The following PHKB variants were observed in gnomAD, a reference collection of about 807,000 sequenced individuals.
PHKB encodes phosphorylase b kinase regulatory subunit beta.
PHKB carries 122 observed loss-of-function variants against 152.1 expected under a neutral mutation model. That is an observed-to-expected ratio of 0.80 (90% CI 0.69 to 0.93). The LOEUF (loss-of-function observed/expected upper bound fraction) is 0.93, where lower values mean the gene tolerates loss of function less well. Ranked by LOEUF, PHKB falls within the 40% of genes least tolerant of loss-of-function variation. PHKB has a pLI of 0.00. For synonymous variants in PHKB, 436 were observed against 464.9 expected (o/e 0.94, Z 0.80); for missense variants, 1,304 against 1,328.4 (o/e 0.98, Z 0.29).
chr16:47,635,010 G>GT (rs1972893287), intron 14 of PHKB, among the ~76,000 whole-genome samples: 1 of 152,154 alleles, frequency 6.6e-6, no homozygotes, highest in East Asian at 1.9e-4. Flanking sequence ...GTGGGATGGG[G>GT]TTTAAGACTG....
intron 1 of PHKB, among the ~76,000 whole-genome samples, chr16:47,466,018 G>GTATTTT: frequency 6.6e-6 from 1 of 152,246 alleles, no homozygotes; most frequent in Admixed American, 6.5e-5. Flanking sequence ...ATTGTTTTAT[G>GTATTTT]TATTTTAACC....
At chr16:47,545,037 C>T (rs962234646) in intron 6 of PHKB, among the ~76,000 whole-genome samples, 1 of 152,182 alleles carries the variant, frequency 6.6e-6, no homozygotes, top group Non-Finnish European at 1.5e-5. Flanking sequence ...TGAGTCTTGA[C>T]TCTTTATCCA....
In PHKB at chr16:47,489,176, C is replaced by T. The variant is rs561625328; in HGVS notation, c.77-8223C>T. Among the ~76,000 whole-genome samples, 6 of 152,210 alleles carry T rather than the reference C, an allele frequency of 3.9e-5. No individual in the cohort carries two copies. The South Asian group carries it at 6.2e-4, about 16-fold the overall frequency. On this transcript the variant is annotated intron_variant, in intron 1 of 30. Transcript: ENST00000323584. ...AGTGATTCTCCCTGCCTCAGCCTCC[C>T]GAGTATCTGGGACTACAGGTGCATG...
At chr16:47,629,582 T>G (rs2151719834) in intron 14 of PHKB, among the ~76,000 whole-genome samples, 1 of 150,128 alleles carries the variant, frequency 6.7e-6, no homozygotes, top group South Asian at 2.1e-4. Flanking sequence ...GGTGGGACTG[T>G]AAACTAGTTC....
intron 20 of PHKB, among the ~76,000 whole-genome samples, chr16:47,652,795 G>A (rs144397445): frequency 3.3e-5 from 5 of 151,804 alleles, no homozygotes; most frequent in South Asian, 2.1e-4. Flanking sequence ...GGTACATGCC[G>A]CCATGCCCAA....
intron 18 of PHKB, among the ~76,000 whole-genome samples, chr16:47,649,709 AGCT>A (rs112186798): frequency 0.1 from 15,647 of 151,600 alleles, 1,609 homozygotes; most frequent in African/African-American, 0.27. Flanking sequence ...GCCACTTGCC[AGCT>A]GTGTGTTCTT....
intron 6 of PHKB, among the ~76,000 whole-genome samples, chr16:47,535,326 T>A (rs192846786): frequency 1.4e-4 from 21 of 152,358 alleles, no homozygotes; most frequent in Admixed American, 1.4e-3. Flanking sequence ...AACAAAAACT[T>A]CCTTTAAACT....
At chr16:47,685,473 T>C (rs1973948337) in intron 26 of PHKB, among the ~76,000 whole-genome samples, 1 of 152,158 alleles carries the variant, frequency 6.6e-6, no homozygotes, top group South Asian at 2.1e-4. Flanking sequence ...CAAATCAGAT[T>C]TTATGGCCTT....
chr16:47,593,365 A>G (rs950191461), intron 10 of PHKB, 135 bp from the exon 11 acceptor site: 2 of 613,216 alleles, frequency 3.3e-6, no homozygotes, highest in Non-Finnish European at 5.8e-6. Context: ...CCTTGAGCCC[A>G]GGAGGGCAAG....
intron 14 of PHKB, among the ~76,000 whole-genome samples, chr16:47,638,951 A>G (rs552136168): frequency 6.6e-6 from 1 of 152,316 alleles, no homozygotes; most frequent in East Asian, 1.9e-4. Context: ...TAGGAAATTA[A>G]CAGAGAGACT....
chr16:47,639,828 C>T (rs1195672262), intron 14 of PHKB, among the ~76,000 whole-genome samples: 4 of 152,100 alleles, frequency 2.6e-5, no homozygotes, highest in African/African-American at 9.7e-5. Flanking sequence ...CCTTTTAAAG[C>T]AGTAAATACT....
intron 10 of PHKB, among the ~76,000 whole-genome samples, chr16:47,592,356 G>A (rs767403352): frequency 5.3e-5 from 8 of 152,190 alleles, no homozygotes; most frequent in Admixed American, 3.3e-4. Context: ...GGCCCTTCCC[G>A]ATCTGGCTGG....
chr16:47,493,481 C>T (rs960149886), intron 1 of PHKB, among the ~76,000 whole-genome samples: 5 of 152,062 alleles, frequency 3.3e-5, no homozygotes, highest in Non-Finnish European at 5.9e-5. Context: ...TACACTATTT[C>T]GACCGTTGTA....
chr16:47,646,931 A>G (rs931236447), intron 16 of PHKB, among the ~76,000 whole-genome samples: 11 of 152,084 alleles, frequency 7.2e-5, no homozygotes, highest in Non-Finnish European at 5.9e-5. Flanking sequence ...TTAAAAAGGT[A>G]AAGGGGCTTC....
rs137941443 is a variant in PHKB at position 47,491,848 on chromosome 16, G to A, written c.77-5551G>A. 3.8e-3 allele frequency among the ~76,000 whole-genome samples: 580 copies of A among 152,238 alleles called. 4 individuals are homozygous for A. Among genetic ancestry groups the A allele is most frequent in the African/African-American group, 0.013 (558 of 41,546 alleles). Reference sequence around the variant, plus strand: ...TTTTTTGCAAAATGGGGTATCTGGCGCCCCGTGTTTTTCCCAAGGAGTCCC... The same window carrying A: ...TTTTTTGCAAAATGGGGTATCTGGCACCCCGTGTTTTTCCCAAGGAGTCCC... On this transcript the variant is annotated intron_variant, in intron 1 of 30. Coordinates refer to ENST00000323584, the MANE Select transcript of PHKB (RefSeq NM_000293.3).
chr16:47,487,346 GCCTTAA>G (rs978996642), intron 1 of PHKB, among the ~76,000 whole-genome samples: 1 of 152,076 alleles, frequency 6.6e-6, no homozygotes, highest in Non-Finnish European at 1.5e-5. Context: ...TTGAAATTGT[GCCTTAA>G]AATATTATGT....
intron 8 of PHKB, among the ~76,000 whole-genome samples, chr16:47,580,682 A>G (rs1216944203): frequency 1.3e-5 from 2 of 151,444 alleles, no homozygotes; most frequent in African/African-American, 4.8e-5. Context: ...TGTATTTGGC[A>G]TTGTATATAT....
intron 8 of PHKB, among the ~76,000 whole-genome samples, chr16:47,582,391 TC>T (rs1971862472): frequency 1.3e-5 from 2 of 152,210 alleles, no homozygotes; most frequent in Non-Finnish European, 2.9e-5. Context: ...CAGGAAGCTT[TC>T]ATAAATTGCT....
intron 14 of PHKB, among the ~76,000 whole-genome samples, chr16:47,635,849 A>G (rs1421227804): frequency 6.6e-6 from 1 of 152,228 alleles, no homozygotes; most frequent in African/African-American, 2.4e-5. Context: ...GTAAAATGGG[A>G]TAATAGTTTG....
Sources: gnomAD v4.1 joint callset for allele counts (sites outside exome capture counted in the v4.1 genomes callset) on GRCh38, gnomAD v4.1.1 for gene constraint, MANE v1.5 for transcripts, NCBI Gene and HGNC (gene_info 2026-07-23, HGNC 2026-07-21) for gene names.